TDRD3: variants seen among roughly 807,000 people sequenced by gnomAD.
TDRD3 encodes tudor domain-containing protein 3.
Under a neutral mutation model 86.7 loss-of-function variants are expected in TDRD3, and 45 were observed. The ratio of observed to expected loss-of-function variants is 0.52; its 90% CI spans 0.41 to 0.67. The LOEUF (loss-of-function observed/expected upper bound fraction) is 0.67, where lower values mean the gene tolerates loss of function less well. TDRD3 is among the 30% of genes least tolerant of loss of function. The probability of loss-of-function intolerance (pLI) is 0.00; values close to 1 mark genes in which losing one functional copy is unlikely to be tolerated. For missense variants in TDRD3, 814 were observed against 889.0 expected (o/e 0.92, Z 1.07); for synonymous variants, 298 against 301.7 (o/e 0.99, Z 0.13).
At chr13:60,462,222 G>C (rs890895801) in intron 4 of TDRD3, among the ~76,000 whole-genome samples, 1 of 152,212 alleles carries the variant, frequency 6.6e-6, no homozygotes, top group Admixed American at 6.5e-5. Context: ...GGAGCTCACA[G>C]ATGACTGAGA....
intron 12 of TDRD3, among the ~76,000 whole-genome samples, chr13:60,554,478 T>TA (rs1958142167): frequency 6.6e-6 from 1 of 152,184 alleles, no homozygotes; most frequent in Admixed American, 6.5e-5. Flanking sequence ...TTTCTCTTTG[T>TA]CCGGAGGATC....
At chr13:60,479,565 T>G (rs796434541) in intron 5 of TDRD3, among the ~76,000 whole-genome samples, 28 of 152,226 alleles carry the variant, frequency 1.8e-4, no homozygotes, top group African/African-American at 6.3e-4. Context: ...TGTTTCTGCA[T>G]TGATGATTTG....
chr13:60,521,534 G>C (rs190424416), intron 10 of TDRD3, among the ~76,000 whole-genome samples: 68 of 152,246 alleles, frequency 4.5e-4, no homozygotes, highest in Admixed American at 1.3e-4. Flanking sequence ...ATGCCCATGA[G>C]ATACTGTTCA....
At chr13:60,407,067 A>G (rs1954252838) in intron 1 of TDRD3, among the ~76,000 whole-genome samples, 1 of 152,232 alleles carries the variant, frequency 6.6e-6, no homozygotes, top group Non-Finnish European at 1.5e-5. Context: ...TGCTAAATAA[A>G]TTAAGCCAGT....
intron 12 of TDRD3, among the ~76,000 whole-genome samples, chr13:60,554,486 A>T (rs1476677167): frequency 6.6e-6 from 1 of 152,056 alleles, no homozygotes. Flanking sequence ...TGTCCGGAGG[A>T]TCTATTTGCT....
chr13:60,545,158 T>C (rs555301869), intron 12 of TDRD3, among the ~76,000 whole-genome samples: 6 of 152,286 alleles, frequency 3.9e-5, no homozygotes, highest in African/African-American at 1.2e-4. Context: ...GTATGTTTTC[T>C]TCCCTTCAGA....
At chr13:60,547,540 T>G in intron 12 of TDRD3, 2 of 313,306 alleles carry the variant, frequency 6.4e-6, no homozygotes, top group Non-Finnish European at 9.3e-6. Flanking sequence ...AGGATTGTTG[T>G]GAGAATTAAA....
chr13:60,520,484 A>G (rs1957265021), intron 10 of TDRD3, among the ~76,000 whole-genome samples: 1 of 152,074 alleles, frequency 6.6e-6, no homozygotes, highest in Non-Finnish European at 1.5e-5. Flanking sequence ...ATTTCTTCTC[A>G]TTAGGGCTCA....
chr13:60,493,932 A>G (rs1956658823), intron 7 of TDRD3, among the ~76,000 whole-genome samples: 1 of 152,266 alleles, frequency 6.6e-6, no homozygotes, highest in Non-Finnish European at 1.5e-5. Flanking sequence ...AAGAAATGAC[A>G]TATTACATGA....
chr13:60,399,723 A>T (rs1315832871), intron 1 of TDRD3, among the ~76,000 whole-genome samples: 5 of 152,248 alleles, frequency 3.3e-5, no homozygotes. Flanking sequence ...GTACTTAGTT[A>T]CTTGTAGAAG....
At chr13:60,448,774 A>G (rs1248111251) in intron 3 of TDRD3, among the ~76,000 whole-genome samples, 2 of 152,212 alleles carry the variant, frequency 1.3e-5, no homozygotes, top group African/African-American at 4.8e-5. Flanking sequence ...GGAAAAAGTC[A>G]TGATAAAAAG....
chr13:60,488,410 G>T (rs1227879849), intron 7 of TDRD3, among the ~76,000 whole-genome samples: 1 of 152,092 alleles, frequency 6.6e-6, no homozygotes, highest in African/African-American at 2.4e-5. Context: ...GATCAGAAGG[G>T]TCAATTTCTG....
intron 12 of TDRD3, among the ~76,000 whole-genome samples, chr13:60,541,167 TTC>T (rs1957801225): frequency 6.6e-6 from 1 of 151,894 alleles, no homozygotes; most frequent in Non-Finnish European, 1.5e-5. Context: ...CTTTCTTTCT[TTC>T]TTTCTTTCTT....
chr13:60,531,169 C>T (rs1367160105), intron 11 of TDRD3, among the ~76,000 whole-genome samples: 1 of 152,152 alleles, frequency 6.6e-6, no homozygotes, highest in East Asian at 1.9e-4. Flanking sequence ...AAGCAAAAGC[C>T]TTCCCAGGAA....
chr13:60,448,204 CA>C (rs1955452590), intron 3 of TDRD3, among the ~76,000 whole-genome samples: 1 of 152,030 alleles, frequency 6.6e-6, no homozygotes, highest in African/African-American at 2.4e-5. Flanking sequence ...GATCTGTCAT[CA>C]GGTAAGAAAG....
At chr13:60,484,569 C>T (rs1328847832) in intron 6 of TDRD3, 3 of 364,854 alleles carry the variant, frequency 8.2e-6, no homozygotes, top group Non-Finnish European at 5.3e-6. Context: ...TTAGTAAAAT[C>T]ATTTGACTGT....
intron 11 of TDRD3, 134 bp from the exon 12 acceptor site, chr13:60,534,974 A>G: frequency 1.0e-6 from 1 of 996,462 alleles, no homozygotes. Context: ...TGTGACTCAA[A>G]AGGGTTCCAA....
rs1320926222 is a variant in TDRD3 at position 60,535,119 on chromosome 13, A to C, written c.2004A>C (p.Ala668=). 1.9e-6 allele frequency: 3 copies of C among 1,613,652 alleles called. No homozygotes were observed. The highest frequency in any genetic ancestry group is 4.5e-5 in the East Asian group (2 of 44,870). The change falls in exon 12 of 14, where the codon GCA becomes GCC. Residue 668 remains alanine (A), a synonymous_variant. Transcript: ENST00000377881. The part of the protein sequence containing the change: ...LYWEDNKFYR[A]EVEALHSSGM... The stretch of plus-strand genomic sequence containing the variant: ...TTTTGCCTCCTCAGTTTTACCGGGC[A>C]GAAGTTGAAGCCCTCCATTCTTCGG...
intron 2 of TDRD3, among the ~76,000 whole-genome samples, chr13:60,441,373 C>T (rs999752815): frequency 6.6e-6 from 1 of 151,752 alleles, no homozygotes; most frequent in African/African-American, 2.4e-5. Context: ...AGTATTTGTG[C>T]TGTGTTCGTA....
Sources: allele counts gnomAD v4.1 joint callset (sites outside exome capture counted in the v4.1 genomes callset), GRCh38; gene constraint gnomAD v4.1.1; transcripts MANE v1.5; gene names NCBI Gene and HGNC (gene_info 2026-07-23, HGNC 2026-07-21).